The following VCAM1 variants were observed in gnomAD, a reference collection of about 807,000 sequenced individuals.
The protein encoded by VCAM1 is vascular cell adhesion molecule 1, also known as vascular cell adhesion protein 1.
In VCAM1, 41 loss-of-function variants were observed where a neutral mutation model predicts 63.8. That is an observed-to-expected ratio of 0.64 (90% confidence interval 0.50 to 0.83). VCAM1 has a LOEUF of 0.83. Ranked by LOEUF, VCAM1 falls within the 40% of genes least tolerant of loss-of-function variation. The pLI is 0.00. For missense variants in VCAM1, 798 were observed against 875.5 expected, an observed-to-expected ratio of 0.91 and a Z score of 1.12; for synonymous variants, 338 against 320.7, an observed-to-expected ratio of 1.05 and a Z score of -0.58.
chr1:100,728,080 G>A (rs1660238796), intron 4 of VCAM1, among the ~76,000 whole-genome samples: 1 of 151,712 alleles, frequency 6.6e-6, no homozygotes, highest in Non-Finnish European at 1.5e-5. Context: ...CAGGGAAACA[G>A]AGCCAAGATG....
Position 100,723,317 on chromosome 1 carries a change from C to T in VCAM1, c.638C>T (p.Ala213Val). ...EMDSVPTVRQ[A>V]VKELQVYISP... ...GATTCTGTGCCCACAGTAAGGCAGG[C>T]TGTAAAAGAATTGCAAGTCTACAGT... Residue 213 changes from alanine (A) to valine (V), a missense_variant, in exon 3 of 9, where the codon GCT becomes GTT. By Grantham distance (64) the Ala-to-Val change is moderately conservative. Transcript: ENST00000294728. The T allele has an allele frequency of 6.2e-7, 1 of 1,612,278 alleles. No individual in the cohort carries two copies.
At position 100,731,945 on chromosome 1, in the gene VCAM1, A is replaced by C. The variant is rs150605134; in HGVS notation, c.1525+427A>C. On this transcript the variant is annotated intron_variant, in intron 6 of 8. Coordinates refer to ENST00000294728, the MANE Select transcript of VCAM1 (RefSeq NM_001078.4). The surrounding 1 kb of genome is among the most constrained non-coding windows in gnomAD (Gnocchi z 4.2). ...TTTACTCTCCAGAGCTCAGTGTTTC[A>C]AGAAGGTGTAAATGAAAGCAGCCTC... 2.6e-5 allele frequency among the ~76,000 whole-genome samples: 4 copies of C among 152,246 alleles called. No individual in the cohort carries two copies. In the East Asian group the frequency reaches 7.7e-4, roughly 29 times the overall value.
chr1:100,738,278 G>C lies in VCAM1; in HGVS notation c.2215G>C (p.Val739Leu). The C allele has an allele frequency of 1.2e-6, 2 of 1,612,914 alleles. No individual in the cohort carries two copies. The highest frequency in any genetic ancestry group is 2.2e-5 in the South Asian group (2 of 90,866). The change falls in exon 9 of 9, where the codon GTG becomes CTG. Residue 739 changes from valine (V) to leucine (L), a missense_variant. Physicochemically the swap from Val to Leu is conservative, Grantham distance 32. Transcript: ENST00000294728. Reference protein sequence around the residue: ...YSLVEAQKSKV With the variant: ...YSLVEAQKSKL ...TCTTGTAGAAGCACAGAAGTCAAAA[G>C]TGTAGCTAATGCTTGATATGTTCAA...
At chr1:100,723,988 G>A (rs1212469260) in intron 3 of VCAM1, among the ~76,000 whole-genome samples, 1 of 152,028 alleles carries the variant, frequency 6.6e-6, no homozygotes, top group African/African-American at 2.4e-5. Flanking sequence ...ACTACGGCAT[G>A]TTTAGCTGAA....
intron 2 of VCAM1, among the ~76,000 whole-genome samples, chr1:100,721,334 C>A (rs1488229280): frequency 1.3e-5 from 2 of 151,716 alleles, no homozygotes; most frequent in Non-Finnish European, 2.9e-5. Context: ...TGCCATGAAG[C>A]CTTGGTGCTC....
chr1:100,727,292 G>A (rs1006572291), intron 4 of VCAM1, among the ~76,000 whole-genome samples: 4 of 151,806 alleles, frequency 2.6e-5, no homozygotes, highest in Non-Finnish European at 5.9e-5. Context: ...ATAGGCACGT[G>A]CCACTACACC....
intron 1 of VCAM1, 41 bp from the exon 2 acceptor site, chr1:100,720,435 A>G: frequency 1.3e-6 from 2 of 1,587,722 alleles, no homozygotes; most frequent in Non-Finnish European, 1.7e-6. Context: ...TACTAGACAA[A>G]CTAGTGGTAA....
chr1:100,725,874 C>T (rs955516640), intron 4 of VCAM1, among the ~76,000 whole-genome samples: 4 of 152,088 alleles, frequency 2.6e-5, no homozygotes, highest in Admixed American at 2.0e-4. Flanking sequence ...GTCAAGTCAA[C>T]AAATCCATTG....
chr1:100,734,382 A>G, intron 7 of VCAM1, 120 bp from the exon 8 acceptor site: 1 of 1,131,488 alleles, frequency 8.8e-7, no homozygotes, highest in Non-Finnish European at 1.2e-6. Flanking sequence ...CCTTCTTAAC[A>G]TTTAATGCAA....
In VCAM1 at chr1:100,731,077, ACAGT is replaced by A; in HGVS notation, c.1205-118_1205-115del. ...AAATACTGTCATTACTTATATATTG[ACAGT>A]CATTCTATCCCAGGTGACTTAAAGC... On this transcript the variant is annotated intron_variant, in intron 5 of 8. Coordinates refer to ENST00000294728, the MANE Select transcript of VCAM1 (RefSeq NM_001078.4). The surrounding 1 kb of genome is among the most constrained non-coding windows in gnomAD (Gnocchi z 4.2). 1 of 798,560 alleles carries A rather than the reference ACAGT, an allele frequency of 1.3e-6. No individual in the cohort carries two copies. The highest frequency in any genetic ancestry group is 2.0e-5 in the South Asian group (1 of 49,444). 49.5% of individuals were successfully genotyped at this position (798,560 alleles called of 1,614,324 possible).
In VCAM1 at chr1:100,731,178, T is replaced by C; in HGVS notation, c.1205-20T>C. 6.4e-7 allele frequency: 1 copy of C among 1,566,456 alleles called. No individual in the cohort carries two copies. Among genetic ancestry groups the C allele is most frequent in the Non-Finnish European group, 8.6e-7 (1 of 1,159,318 alleles). On this transcript the variant is annotated intron_variant, in intron 5 of 8. Transcript: ENST00000294728. The surrounding 1 kb of genome is among the most constrained non-coding windows in gnomAD (Gnocchi z 4.2). ...CCTTGAATATCAAGAATAAAAATCG[T>C]TTTTGCTTGCGATTTGCAGCATTCC...
intron 4 of VCAM1, among the ~76,000 whole-genome samples, chr1:100,725,773 T>G (rs2100826537): frequency 6.6e-6 from 1 of 152,168 alleles, no homozygotes; most frequent in East Asian, 1.9e-4. Context: ...TATTTCTTTT[T>G]TAAAATATTT....
chr1:100,738,152 C>T lies in VCAM1; in HGVS notation c.2089C>T (p.Pro697Ser). ...AGAAAACAACAAAGACTATTTTTCT[C>T]CTGAGCTTCTCGTGCTCTATTTTGC... Reference protein sequence around the residue: ...GRENNKDYFSPELLVLYFASS... With the variant: ...GRENNKDYFSSELLVLYFASS... Residue 697 changes from proline to serine, a missense_variant, in exon 9 of 9, where the codon CCT (proline) becomes TCT (serine). By Grantham distance (74) the Pro-to-Ser change is moderately conservative. Coordinates refer to ENST00000294728, the MANE Select transcript of VCAM1 (RefSeq NM_001078.4). The T allele has an allele frequency of 2.5e-6, 4 of 1,613,286 alleles. No individual in the cohort carries two copies. The highest frequency in any genetic ancestry group is 3.4e-6 in the Non-Finnish European group (4 of 1,179,582).
intron 4 of VCAM1, 56 bp downstream of exon 4, chr1:100,724,946 T>C (rs1171434268): frequency 1.3e-6 from 2 of 1,579,998 alleles, no homozygotes; most frequent in Non-Finnish European, 1.7e-6. Context: ...ATTTGAGCAA[T>C]AGTCAACACA....
chr1:100,724,622 A>G lies in VCAM1; in HGVS notation c.662-2A>G, dbSNP rs1406332729. The G allele has an allele frequency of 1.2e-6, 2 of 1,608,892 alleles. No individual in the cohort carries two copies. Among genetic ancestry groups the G allele is most frequent in the Non-Finnish European group, 1.7e-6 (2 of 1,176,704 alleles). ...TGCTAATATTATTTTTTGCCCTTTC[A>G]GTATCACCCAAGAATACAGTTATTT... On this transcript the variant is annotated splice_acceptor_variant, in intron 3 of 8. Coordinates refer to ENST00000294728, the MANE Select transcript of VCAM1 (RefSeq NM_001078.4). LOFTEE classifies it high-confidence loss of function.
At chr1:100,732,358 A>C in intron 6 of VCAM1, 60 bp from the exon 7 acceptor site, 1 of 1,476,454 alleles carries the variant, frequency 6.8e-7, no homozygotes. Context: ...CAACATTATT[A>C]AAACTCTTTG....
chr1:100,737,582 A>T (rs995635193), intron 8 of VCAM1: 3 of 152,260 alleles, frequency 2.0e-5, no homozygotes, highest in African/African-American at 4.8e-5. Context: ...CATAAAAAAC[A>T]TAGAAACTTC....
chr1:100,734,506 T>A lies in VCAM1; in HGVS notation c.1797T>A (p.Thr599=), dbSNP rs1366746180. 1 of 1,611,814 alleles carries A rather than the reference T, an allele frequency of 6.2e-7. No homozygotes were observed. Among genetic ancestry groups the A allele is most frequent in the Admixed American group, 1.7e-5 (1 of 59,574 alleles). Residue 599 remains threonine (T), a synonymous_variant, in exon 8 of 9, where the codon ACT becomes ACA. Coordinates refer to ENST00000294728, the MANE Select transcript of VCAM1 (RefSeq NM_001078.4). The stretch of plus-strand genomic sequence containing the variant: ...TCTTTTAAATTCTCTTTACAGTTAC[T>A]CCAAAAGACATAAAACTTACAGCTT... ...RKEVELIIQV[T]PKDIKLTAFP... is the part of the protein sequence containing the mutation.
chr1:100,719,756 G>A lies in VCAM1; in HGVS notation c.-105G>A, dbSNP rs990724426. ...TATTTCACTCCGCGGTATCTGCATC[G>A]GGCCTCACTGGCTTCAGGAGCTGAA... On this transcript the variant is annotated 5_prime_UTR_variant, in exon 1 of 9. Coordinates refer to ENST00000294728, the MANE Select transcript of VCAM1 (RefSeq NM_001078.4). 2.8e-6 allele frequency: 3 copies of A among 1,089,072 alleles called. No homozygotes were observed. The highest frequency in any genetic ancestry group is 4.0e-6 in the Non-Finnish European group (3 of 750,750). 67.5% of individuals were successfully genotyped at this position (1,089,072 alleles called of 1,614,324 possible). A position where few individuals can be genotyped will look rare whatever the true frequency, so the allele number is the denominator to read the frequency against.
Sources: allele counts gnomAD v4.1 joint callset (sites outside exome capture counted in the v4.1 genomes callset), GRCh38; gene constraint gnomAD v4.1.1; non-coding constraint Gnocchi (gnomAD v3.1); transcripts MANE v1.5; gene names NCBI Gene and HGNC (gene_info 2026-07-23, HGNC 2026-07-21).